Variants in TBC1D10B observed in about 807,000 individuals in gnomAD.
TBC1D10B encodes the protein Rab27A-GAPbeta.
In TBC1D10B, 25 loss-of-function variants were observed where a neutral mutation model predicts 78.4. That is an observed-to-expected ratio of 0.32 (90% CI 0.23 to 0.45). The LOEUF is 0.45. Ranked by LOEUF, TBC1D10B falls within the 20% of genes least tolerant of loss-of-function variation. TBC1D10B has a pLI of 1.00. For missense variants in TBC1D10B, 996 were observed against 1,104.8 expected, an observed-to-expected ratio of 0.90 and a Z score of 1.40; for synonymous variants, 517 against 478.0, an observed-to-expected ratio of 1.08 and a Z score of -1.06.
intron 7 of TBC1D10B, 97 bp from the exon 8 acceptor site, chr16:30,358,914 G>C: frequency 7.1e-7 from 1 of 1,418,362 alleles, no homozygotes; most frequent in Non-Finnish European, 9.4e-7. Flanking sequence ...CCCATCTACT[G>C]CCAATCTCAG....
At chr16:30,361,733 C>T (rs2049599873) in intron 4 of TBC1D10B, among the ~76,000 whole-genome samples, 1 of 147,890 alleles carries the variant, frequency 6.8e-6, no homozygotes, top group Admixed American at 6.7e-5. Context: ...TCCTTTGAGA[C>T]AGAGTTTCGC....
Position 30,358,333 on chromosome 16 carries a change from G to T in TBC1D10B, c.2038C>A (p.Pro680Thr). 6.4e-7 allele frequency: 1 copy of T among 1,563,002 alleles called. No individual in the cohort carries two copies. Reference sequence around the variant, plus strand: ...GCACTGGCTCTGCGGACGGGGGGCGGCGGGGACGGGGCCCCTCCAGCTGCC... The same window carrying T: ...GCACTGGCTCTGCGGACGGGGGGCGTCGGGGACGGGGCCCCTCCAGCTGCC... Reference protein sequence around the residue: ...SRAAGGAPSPPPPVRRASAGP... With the variant: ...SRAAGGAPSPTPPVRRASAGP... The change falls in exon 9 of 9, where the codon CCG (proline) becomes ACG (threonine). Residue 680 changes from proline (P) to threonine (T), a missense_variant. Pro to Thr is a conservative substitution (Grantham distance 38). Transcript: ENST00000409939.
chr16:30,361,623 T>C (rs2049599077), intron 4 of TBC1D10B, among the ~76,000 whole-genome samples: 1 of 152,096 alleles, frequency 6.6e-6, no homozygotes, highest in Non-Finnish European at 1.5e-5. Flanking sequence ...CAGGCTGGTC[T>C]CAAACTCCTG....
rs912381730 is a variant in TBC1D10B at position 30,369,861 on chromosome 16, C to G, written c.323G>C (p.Gly108Ala). ...PEAPKPQLPSGPESPEPAAVA... is the reference protein window; with the variant it reads ...PEAPKPQLPSAPESPEPAAVA... ...TGCCGCGGGCTCTGGGGATTCCGGG[C>G]CGGAGGGGAGCTGCGGCTTTGGGGC... The change falls in exon 1 of 9, where the codon GGC becomes GCC. Residue 108 changes from glycine to alanine, a missense_variant. By Grantham distance (60) the Gly-to-Ala change is moderately conservative. Coordinates refer to ENST00000409939, the MANE Select transcript of TBC1D10B (RefSeq NM_015527.4). The surrounding 1 kb of genome is among the most constrained non-coding windows in gnomAD (Gnocchi z 4.3). The G allele has an allele frequency of 7.1e-7, 1 of 1,401,554 alleles. No homozygotes were observed. The highest frequency in any genetic ancestry group is 9.3e-7 in the Non-Finnish European group (1 of 1,080,812). The allele number at this position is 1,401,554 out of a possible 1,614,324, so 86.8% of individuals were successfully genotyped here. A position where few individuals can be genotyped will look rare whatever the true frequency, so the allele number is the denominator to read the frequency against.
chr16:30,367,300 G>C (rs2049643888), intron 1 of TBC1D10B: 1 of 152,174 alleles, frequency 6.6e-6, no homozygotes, highest in African/African-American at 2.4e-5. Flanking sequence ...CTGTTAAATA[G>C]AAGGGGCTCG....
At chr16:30,368,059 C>T (rs943362324) in intron 1 of TBC1D10B, 1 of 152,208 alleles carries the variant, frequency 6.6e-6, no homozygotes, top group Non-Finnish European at 1.5e-5. Context: ...ATTGTTTCTT[C>T]ATCTATAAAC....
chr16:30,368,734 T>C (rs1353831556), intron 1 of TBC1D10B, among the ~76,000 whole-genome samples: 1 of 151,884 alleles, frequency 6.6e-6, no homozygotes, highest in Non-Finnish European at 1.5e-5. Context: ...CTTCCCCACC[T>C]CTCTACTCCA....
intron 7 of TBC1D10B, 65 bp from the exon 8 acceptor site, chr16:30,358,882 G>A: frequency 1.3e-6 from 2 of 1,508,464 alleles, no homozygotes; most frequent in Non-Finnish European, 8.9e-7. Context: ...GTCCTGATCA[G>A]GATAGACTCA....
At position 30,357,888 on chromosome 16, in the gene TBC1D10B, C is replaced by A; in HGVS notation, c.*56G>T. The A allele has an allele frequency of 6.6e-7, 1 of 1,508,534 alleles. No individual in the cohort carries two copies. Among genetic ancestry groups the A allele is most frequent in the Non-Finnish European group, 8.9e-7 (1 of 1,128,032 alleles). The allele number at this position is 1,508,534 out of a possible 1,614,324, so 93.4% of individuals were successfully genotyped here. A position where few individuals can be genotyped will look rare whatever the true frequency, so the allele number is the denominator to read the frequency against. ...CTAGGGGGTGGCACCTTGGGCCAGGCCTGTTCTTGGCTGAGGGAAAGAGGG... is the reference window on the plus strand; with the variant it reads ...CTAGGGGGTGGCACCTTGGGCCAGGACTGTTCTTGGCTGAGGGAAAGAGGG... On this transcript the variant is annotated 3_prime_UTR_variant, in exon 9 of 9. Transcript: ENST00000409939.
Position 30,369,924 on chromosome 16 carries a change from C to G in TBC1D10B, c.260G>C (p.Ser87Thr). The G allele has an allele frequency of 1.5e-6, 2 of 1,316,942 alleles. No homozygotes were observed. Among genetic ancestry groups the G allele is most frequent in the Non-Finnish European group, 1.9e-6 (2 of 1,035,494 alleles). The allele number at this position is 1,316,942 out of a possible 1,614,324, so 81.6% of individuals were successfully genotyped here. A position where few individuals can be genotyped will look rare whatever the true frequency, so the allele number is the denominator to read the frequency against. Residue 87 changes from serine to threonine, a missense_variant, in exon 1 of 9, where the codon AGC becomes ACC. Coordinates refer to ENST00000409939, the MANE Select transcript of TBC1D10B (RefSeq NM_015527.4). The surrounding 1 kb of genome is among the most constrained non-coding windows in gnomAD (Gnocchi z 4.3). ...CTCCAGGGTCAGCACCACCACCGTG[C>G]TGCCCGTGACAGCCGGGGCTGGGGC... ...APAPAPAVTG[S>T]TVVVLTLEAS...
Position 30,358,014 on chromosome 16 carries a change from T to C in TBC1D10B, c.2357A>G (p.Asp786Gly), listed in dbSNP as rs1269006835. Residue 786 changes from aspartate to glycine, a missense_variant, in exon 9 of 9, where the codon GAT becomes GGT. Physicochemically the swap from Asp to Gly is moderately conservative, Grantham distance 94 (BLOSUM62 -1). Coordinates refer to ENST00000409939, the MANE Select transcript of TBC1D10B (RefSeq NM_015527.4). ...GRKLSLRRKA[D>G]GPPGPHDGGD... Reference sequence around the variant, plus strand: ...ACCATCATGGGGGCCTGGGGGCCCATCTGCCTTTCGACGCAGCGAAAGCTT... The same window carrying C: ...ACCATCATGGGGGCCTGGGGGCCCACCTGCCTTTCGACGCAGCGAAAGCTT... 8 of 1,551,708 alleles carry C rather than the reference T, an allele frequency of 5.2e-6. No homozygotes were observed. The highest frequency in any genetic ancestry group is 7.0e-6 in the Non-Finnish European group (8 of 1,147,020).
chr16:30,369,107 C>T lies in TBC1D10B; in HGVS notation c.956+121G>A, dbSNP rs941208195. 23 of 1,058,176 alleles carry T rather than the reference C, an allele frequency of 2.2e-5. No individual in the cohort carries two copies. Among genetic ancestry groups the T allele is most frequent in the Admixed American group, 1.2e-4 (4 of 34,644 alleles). 65.5% of individuals were successfully genotyped at this position (1,058,176 alleles called of 1,614,324 possible). A position where few individuals can be genotyped will look rare whatever the true frequency, so the allele number is the denominator to read the frequency against. ...GACACGGCAGCTCGCGCTGATCACC[C>T]CGTGGATCCTCAGAGGAGGCTGGGC... is the stretch of plus-strand genomic sequence containing the variant. On this transcript the variant is annotated intron_variant, in intron 1 of 8. Transcript: ENST00000409939. The surrounding 1 kb of genome is among the most constrained non-coding windows in gnomAD (Gnocchi z 4.3).
rs755328402 is a variant in TBC1D10B, at chr16:30,365,634, A to C, written c.957-40T>G. On this transcript the variant is annotated intron_variant, in intron 1 of 8. Coordinates refer to ENST00000409939, the MANE Select transcript of TBC1D10B (RefSeq NM_015527.4). The surrounding 1 kb of genome is among the most constrained non-coding windows in gnomAD (Gnocchi z 5.0). Reference sequence around the variant, plus strand: ...GAGCACGGAAGGGGTCAGTAGCAATAGTGTAAAACCTGCATTGCAGGGGGA... The same window carrying C: ...GAGCACGGAAGGGGTCAGTAGCAATCGTGTAAAACCTGCATTGCAGGGGGA... 1 of 1,593,836 alleles carries C rather than the reference A, an allele frequency of 6.3e-7. No homozygotes were observed. Among genetic ancestry groups the C allele is most frequent in the African/African-American group, 1.3e-5 (1 of 74,654 alleles).
Position 30,359,724 on chromosome 16 carries a change from G to C in TBC1D10B, c.1386+3C>G, listed in dbSNP as rs777944841. ...CCTCCCGGCCCAGGACCAGGGCGCT[G>C]ACCTCCGCAGGCATGTGCATGAGCA... is the stretch of plus-strand genomic sequence containing the variant. On this transcript the variant is annotated splice_donor_region_variant and intron_variant, in intron 5 of 8. Transcript: ENST00000409939. 5 of 1,574,982 alleles carry C rather than the reference G, an allele frequency of 3.2e-6. No homozygotes were observed. The highest frequency in any genetic ancestry group is 4.3e-6 in the Non-Finnish European group (5 of 1,160,194).
intron 4 of TBC1D10B, among the ~76,000 whole-genome samples, chr16:30,364,449 AAAC>A (rs1428308745): frequency 6.6e-6 from 1 of 152,160 alleles, no homozygotes; most frequent in Admixed American, 6.5e-5. Flanking sequence ...TCAAAAAACA[AAAC>A]AAAAAAAAGT....
At chr16:30,361,728 T>G (rs2049599810) in intron 4 of TBC1D10B, among the ~76,000 whole-genome samples, 1 of 150,920 alleles carries the variant, frequency 6.6e-6, no homozygotes, top group Admixed American at 6.6e-5. Flanking sequence ...TTTTTTCCTT[T>G]GAGACAGAGT....
intron 4 of TBC1D10B, 25 bp from the exon 5 acceptor site, chr16:30,359,866 A>G (rs1415393269): frequency 1.3e-6 from 2 of 1,542,528 alleles, no homozygotes; most frequent in East Asian, 2.4e-5. Flanking sequence ...GAAGACTGTG[A>G]GGGCAGTCAC....
intron 7 of TBC1D10B, 152 bp from the exon 8 acceptor site, chr16:30,358,969 T>G (rs2049580551): frequency 1.6e-6 from 2 of 1,237,438 alleles, no homozygotes; most frequent in Non-Finnish European, 1.1e-6. Context: ...CTGCTATCAG[T>G]CTCAGGATCT....
Position 30,357,584 on chromosome 16 carries a change from G to A in TBC1D10B, c.*360C>T, listed in dbSNP as rs1196531946. On this transcript the variant is annotated 3_prime_UTR_variant, in exon 9 of 9. Transcript: ENST00000409939. ...AAAAGGAAGCCAGCTCCACCTCATG[G>A]TAAGGGGAGCTATGGAGTGTAAGAA... The A allele has an allele frequency of 1.8e-5, 5 of 284,308 alleles. No homozygotes were observed. Among genetic ancestry groups the A allele is most frequent in the Non-Finnish European group, 3.3e-5 (5 of 150,134 alleles). 17.6% of individuals were successfully genotyped at this position (284,308 alleles called of 1,614,324 possible). A position where few individuals can be genotyped will look rare whatever the true frequency, so the allele number is the denominator to read the frequency against.
Sources: gnomAD v4.1 joint callset for allele counts (sites outside exome capture counted in the v4.1 genomes callset) on GRCh38, gnomAD v4.1.1 for gene constraint, Gnocchi (gnomAD v3.1) non-coding constraint, MANE v1.5 for transcripts, NCBI Gene and HGNC (gene_info 2026-07-23, HGNC 2026-07-21) for gene names.